MYH15: variants seen among roughly 807,000 people sequenced by gnomAD.
The protein encoded by MYH15 is myosin-15.
Under a neutral mutation model 240.5 loss-of-function variants are expected in MYH15, and 227 were observed. That is an observed-to-expected ratio of 0.94 (90% CI 0.85 to 1.05). The LOEUF (loss-of-function observed/expected upper bound fraction) is 1.05, where lower values mean the gene tolerates loss of function less well. Ranked by LOEUF, MYH15 falls within the 50% of genes least tolerant of loss-of-function variation. The pLI is 0.00. For synonymous variants in MYH15, 785 were observed against 796.7 expected, an observed-to-expected ratio of 0.99 and a Z score of 0.25; for missense variants, 2,217 against 2,247.5, an observed-to-expected ratio of 0.99 and a Z score of 0.27.
chr3:108,386,544 A>G (rs1408875714), intron 38 of MYH15, among the ~76,000 whole-genome samples: 1 of 152,026 alleles, frequency 6.6e-6, no homozygotes, highest in African/African-American at 2.4e-5. Flanking sequence ...TCTGCCCAAC[A>G]TGGGAGTCCT....
At chr3:108,460,908 T>C (rs1036558372) in intron 16 of MYH15, among the ~76,000 whole-genome samples, 2 of 152,228 alleles carry the variant, frequency 1.3e-5, no homozygotes, top group South Asian at 2.1e-4. Flanking sequence ...AAACAGTTTG[T>C]TAATCTATAT....
At chr3:108,532,206 C>A (rs749847573), upstream of MYH15, among the ~76,000 whole-genome samples, 1 of 151,872 alleles carries the variant, frequency 6.6e-6, no homozygotes. Flanking sequence ...AATATTTGGT[C>A]AAACATTATT....
At chr3:108,533,607 G>T (rs187450601), upstream of MYH15, among the ~76,000 whole-genome samples, 6 of 152,172 alleles carry the variant, frequency 3.9e-5, no homozygotes, top group East Asian at 1.2e-3. Flanking sequence ...CAAAGTATAG[G>T]GTAAGGTGCC....
At chr3:108,496,989 G>A (rs1182558934) in intron 6 of MYH15, among the ~76,000 whole-genome samples, 2 of 150,954 alleles carry the variant, frequency 1.3e-5, no homozygotes, top group Non-Finnish European at 3.0e-5. Context: ...GCGAAACCCC[G>A]TCTCTACTAA....
intron 9 of MYH15, among the ~76,000 whole-genome samples, chr3:108,488,161 A>G (rs2083320095): frequency 6.6e-6 from 1 of 152,166 alleles, no homozygotes; most frequent in Admixed American, 6.5e-5. Flanking sequence ...TATGTTGTAC[A>G]ATAGATCTTC....
Position 108,429,187 on chromosome 3 carries a change from A to G in MYH15, c.3313-306T>C, listed in dbSNP as rs571721866. ...GAAAATATCTTTCATACGACCAAAA[A>G]AACTGTTTAAGAGCATTTATAAAAA... On this transcript the variant is annotated intron_variant, in intron 26 of 40. Transcript: ENST00000693548. Among the ~76,000 whole-genome samples the G allele has an allele frequency of 7.9e-5, 12 of 152,292 alleles. 1 individual carries two copies. In the South Asian group the frequency reaches 1.9e-3, roughly 24 times the overall value.
In MYH15 at chr3:108,517,304, T is replaced by A. The variant is rs116563081; in HGVS notation, c.-57-6717A>T. Among the ~76,000 whole-genome samples, 1,269 of 152,304 alleles carry A rather than the reference T, an allele frequency of 8.3e-3. 25 individuals are homozygous for A. Among genetic ancestry groups the A allele is most frequent in the African/African-American group, 0.029 (1,219 of 41,554 alleles). Reference sequence around the variant, plus strand: ...AAAATGCTGGATCTCTGCACTGAGCTATTCGCTATTGATCCAGAGAAGAAC... The same window carrying A: ...AAAATGCTGGATCTCTGCACTGAGCAATTCGCTATTGATCCAGAGAAGAAC... On this transcript the variant is annotated intron_variant, in intron 1 of 41. Transcript: ENST00000273353.
intron 27 of MYH15, among the ~76,000 whole-genome samples, chr3:108,424,486 G>A (rs758240684): frequency 1.6e-4 from 25 of 152,176 alleles, no homozygotes; most frequent in Admixed American, 2.6e-4. Context: ...TTTGATACCA[G>A]GGATGAGAAG....
At chr3:108,509,214 A>G (rs981456452) in intron 1 of MYH15, among the ~76,000 whole-genome samples, 1 of 152,216 alleles carries the variant, frequency 6.6e-6, no homozygotes, top group African/African-American at 2.4e-5. Context: ...TTCTATGAGG[A>G]AGGATTGTTT....
rs143343197 is a variant in MYH15 at position 108,392,044 on chromosome 3, T to A, written c.5260-114A>T. ...GGCTGCCACGCCTTGCCTCTATGTA[T>A]GTGATCTCTTCCCATTATAATCTCC... is the stretch of plus-strand genomic sequence containing the variant. On this transcript the variant is annotated intron_variant, in intron 36 of 40. Transcript: ENST00000693548. 233 of 1,135,498 alleles carry A rather than the reference T, an allele frequency of 2.1e-4. 1 individual carries two copies. In the East Asian group the frequency reaches 5.0e-3, roughly 24 times the overall value. The allele number at this position is 1,135,498 out of a possible 1,614,324, so 70.3% of individuals were successfully genotyped here. A position where few individuals can be genotyped will look rare whatever the true frequency, so the allele number is the denominator to read the frequency against.
chr3:108,496,560 C>G (rs2107230194), intron 6 of MYH15, among the ~76,000 whole-genome samples: 1 of 152,046 alleles, frequency 6.6e-6, no homozygotes, highest in Non-Finnish European at 1.5e-5. Flanking sequence ...CTTCTTATAT[C>G]CCTACTACTA....
At chr3:108,516,125 A>G (rs2107260942) in intron 1 of MYH15, among the ~76,000 whole-genome samples, 1 of 152,310 alleles carries the variant, frequency 6.6e-6, no homozygotes, top group East Asian at 1.9e-4. Context: ...GTAAATTGTT[A>G]AAAGAGTTAA....
chr3:108,425,084 A>G (rs1188970856), intron 27 of MYH15, among the ~76,000 whole-genome samples: 1 of 152,252 alleles, frequency 6.6e-6, no homozygotes, highest in Non-Finnish European at 1.5e-5. Flanking sequence ...GAGGGACCCC[A>G]AAAGTGCTAC....
At chr3:108,413,913 G>A (rs536680816) in intron 30 of MYH15, among the ~76,000 whole-genome samples, 3 of 152,148 alleles carry the variant, frequency 2.0e-5, no homozygotes, top group African/African-American at 4.8e-5. Flanking sequence ...GGTTTTAAAC[G>A]ATAGCCTATT....
intron 13 of MYH15, 113 bp from the exon 14 acceptor site, chr3:108,470,325 C>A: frequency 1.4e-6 from 1 of 701,520 alleles, no homozygotes; most frequent in South Asian, 2.4e-5. Flanking sequence ...CAGAAATAGA[C>A]CCAACAAGTA....
At chr3:108,489,339 C>CTA (rs2083329507) in intron 9 of MYH15, among the ~76,000 whole-genome samples, 2 of 151,772 alleles carry the variant, frequency 1.3e-5, no homozygotes, top group Non-Finnish European at 2.9e-5. Context: ...AATTTATACA[C>CTA]TAGTTGAATA....
intron 21 of MYH15, among the ~76,000 whole-genome samples, chr3:108,445,858 T>C (rs1314475988): frequency 1.3e-5 from 2 of 151,272 alleles, no homozygotes; most frequent in African/African-American, 4.9e-5. Context: ...GAAGACCAAA[T>C]AAAATGTCTA....
Position 108,410,732 on chromosome 3 carries a change from T to C in MYH15, c.4346A>G (p.Lys1449Arg). The C allele has an allele frequency of 6.2e-7, 1 of 1,614,168 alleles. No individual in the cohort carries two copies. Among genetic ancestry groups the C allele is most frequent in the Non-Finnish European group, 8.5e-7 (1 of 1,180,032 alleles). The change falls in exon 31 of 41, where the codon AAG becomes AGG. Residue 1449 changes from lysine to arginine, a missense_variant. Lys to Arg is a conservative substitution (Grantham distance 26). Transcript: ENST00000693548. ...LQSGKALADW[K>R]QKHEESQALL... Reference sequence around the variant, plus strand: ...CGCCTGGGACTCCTCGTGCTTCTGCTTCCAGTCGGCAAGGGCCTTGCCAGA... The same window carrying C: ...CGCCTGGGACTCCTCGTGCTTCTGCCTCCAGTCGGCAAGGGCCTTGCCAGA...
chr3:108,529,231 C>CA (rs1361062441), intron 1 of MYH15: 20 of 1,593,122 alleles, frequency 1.3e-5, no homozygotes, highest in African/African-American at 5.4e-5. Flanking sequence ...TTCTGTTAGA[C>CA]AAATTAAAAC....
Sources: gnomAD v4.1 joint callset for allele counts (sites outside exome capture counted in the v4.1 genomes callset) on GRCh38, gnomAD v4.1.1 for gene constraint, MANE v1.5 for transcripts, NCBI Gene and HGNC (gene_info 2026-07-23, HGNC 2026-07-21) for gene names.